MLLT3: variants seen among roughly 807,000 people sequenced by gnomAD.
MLLT3 encodes MLLT3 super elongation complex subunit.
Under a neutral mutation model 53.2 loss-of-function variants are expected in MLLT3, and 4 were observed. The ratio of observed to expected loss-of-function variants is 0.08; its 90% CI spans 0.04 to 0.17. The LOEUF (loss-of-function observed/expected upper bound fraction) is 0.17. MLLT3 is among the 10% of genes least tolerant of loss of function. The probability of loss-of-function intolerance (pLI) is 1.00; values close to 1 mark genes in which losing one functional copy is unlikely to be tolerated. For synonymous variants in MLLT3, 283 were observed against 230.6 expected (o/e 1.23, Z -2.06); for missense variants, 569 against 684.0 (o/e 0.83, Z 1.87).
intron 2 of MLLT3, among the ~76,000 whole-genome samples, chr9:20,577,639 C>G (rs1416915031): frequency 1.3e-5 from 2 of 152,188 alleles, no homozygotes; most frequent in Non-Finnish European, 1.5e-5. Context: ...AGCCCCATTA[C>G]TGCACAATAG....
At chr9:20,522,653 G>T (rs1818092817) in intron 2 of MLLT3, among the ~76,000 whole-genome samples, 1 of 147,576 alleles carries the variant, frequency 6.8e-6, no homozygotes, top group African/African-American at 2.5e-5. Context: ...GAGTAGAGAA[G>T]AAAATAAACA....
intron 2 of MLLT3, among the ~76,000 whole-genome samples, chr9:20,491,595 T>C (rs906784960): frequency 8.5e-5 from 13 of 152,096 alleles, no homozygotes; most frequent in Admixed American, 7.9e-4. Flanking sequence ...CTGCTAAAGA[T>C]AGTAAAAATT....
intron 2 of MLLT3, among the ~76,000 whole-genome samples, chr9:20,555,347 C>T (rs944084858): frequency 1.1e-4 from 16 of 152,044 alleles, no homozygotes; most frequent in African/African-American, 2.4e-4. Flanking sequence ...ATAGAGACAG[C>T]GTCTCACCAT....
chr9:20,369,212 G>A (rs543431038), intron 5 of MLLT3, among the ~76,000 whole-genome samples: 2 of 152,242 alleles, frequency 1.3e-5, no homozygotes, highest in African/African-American at 4.8e-5. Flanking sequence ...AGAATTAGCT[G>A]GGAGAAGCCT....
chr9:20,491,763 C>T (rs1203395774), intron 2 of MLLT3, among the ~76,000 whole-genome samples: 2 of 152,068 alleles, frequency 1.3e-5, no homozygotes, highest in African/African-American at 2.4e-5. Flanking sequence ...ACACCTGGAG[C>T]TTTATTCATC....
At chr9:20,409,314 A>G (rs1822664596) in intron 5 of MLLT3, among the ~76,000 whole-genome samples, 1 of 152,206 alleles carries the variant, frequency 6.6e-6, no homozygotes, top group African/African-American at 2.4e-5. Context: ...AAACTTCTTC[A>G]TATCAGAAGA....
At chr9:20,598,286 A>C (rs1820327579) in intron 2 of MLLT3, among the ~76,000 whole-genome samples, 1 of 152,222 alleles carries the variant, frequency 6.6e-6, no homozygotes, top group African/African-American at 2.4e-5. Flanking sequence ...TTACCACTTT[A>C]TGTTCCCAAA....
chr9:20,597,531 A>G (rs1587116247), intron 2 of MLLT3, among the ~76,000 whole-genome samples: 1 of 152,178 alleles, frequency 6.6e-6, no homozygotes, highest in African/African-American at 2.4e-5. Context: ...TCAGAAGACC[A>G]TCTACTTTTC....
At position 20,605,405 on chromosome 9, in the gene MLLT3, G is replaced by A. The variant is rs563795619; in HGVS notation, c.193+15249C>T. Among the ~76,000 whole-genome samples the A allele has an allele frequency of 3.4e-4, 51 of 152,028 alleles. 1 individual carries two copies. The highest frequency in any genetic ancestry group is 1.2e-3 in the African/African-American group (50 of 41,488). The stretch of plus-strand genomic sequence containing the variant: ...AAATATTTATTTATTTATAAATCAA[G>A]TGTCTGAAGAATGTGAATAACGGAA... On this transcript the variant is annotated intron_variant, in intron 2 of 10. Transcript: ENST00000380338.
At chr9:20,549,035 G>A (rs1374602428) in intron 2 of MLLT3, among the ~76,000 whole-genome samples, 1 of 151,964 alleles carries the variant, frequency 6.6e-6, no homozygotes, top group Non-Finnish European at 1.5e-5. Flanking sequence ...GGTGGGTCCC[G>A]AACTCCTGGG....
intron 4 of MLLT3, among the ~76,000 whole-genome samples, chr9:20,419,609 T>C (rs143842607): frequency 2.6e-5 from 4 of 151,372 alleles, no homozygotes; most frequent in Non-Finnish European, 4.4e-5. Flanking sequence ...TAAACTCACA[T>C]TGTGCTTCTC....
chr9:20,446,668 T>G (rs78047586), intron 4 of MLLT3, among the ~76,000 whole-genome samples: 1,674 of 152,226 alleles, frequency 0.011, 10 homozygotes, highest in South Asian at 0.025. Context: ...TGAGATTGAT[T>G]AGGATTTTAA....
intron 2 of MLLT3, among the ~76,000 whole-genome samples, chr9:20,565,036 T>C (rs1157667120): frequency 3.3e-5 from 5 of 152,134 alleles, no homozygotes; most frequent in Non-Finnish European, 1.5e-5. Flanking sequence ...CTTTCAAATA[T>C]GATATCACTA....
intron 10 of MLLT3, among the ~76,000 whole-genome samples, chr9:20,348,196 C>T (rs1430254617): frequency 6.6e-6 from 1 of 152,176 alleles, no homozygotes; most frequent in Admixed American, 6.5e-5. Context: ...ACAGATGCTG[C>T]AAACTAACTC....
intron 2 of MLLT3, among the ~76,000 whole-genome samples, chr9:20,533,499 G>C (rs1334588356): frequency 6.6e-6 from 1 of 152,102 alleles, no homozygotes; most frequent in East Asian, 1.9e-4. Context: ...ATAGTATGGA[G>C]GTTCCTCAAA....
At chr9:20,504,398 G>C (rs1825331341) in intron 2 of MLLT3, among the ~76,000 whole-genome samples, 1 of 151,496 alleles carries the variant, frequency 6.6e-6, no homozygotes, top group South Asian at 2.1e-4. Flanking sequence ...ATTAAAGGCT[G>C]AATACTATTC....
intron 2 of MLLT3, among the ~76,000 whole-genome samples, chr9:20,516,482 A>G (rs1159113338): frequency 6.6e-6 from 1 of 152,074 alleles, no homozygotes; most frequent in African/African-American, 2.4e-5. Context: ...GTTATTCCTC[A>G]TTTTCTATGT....
At chr9:20,498,047 C>G (rs1447720719) in intron 2 of MLLT3, among the ~76,000 whole-genome samples, 1 of 151,426 alleles carries the variant, frequency 6.6e-6, no homozygotes, top group Non-Finnish European at 1.5e-5. Flanking sequence ...CATGGTGAAA[C>G]TTTGTCTCTA....
intron 9 of MLLT3, among the ~76,000 whole-genome samples, 195 bp downstream of exon 9, chr9:20,354,613 C>T (rs930593369): frequency 6.6e-6 from 1 of 152,192 alleles, no homozygotes; most frequent in Admixed American, 6.5e-5. Context: ...TAAGGCCAAG[C>T]TTAATACTGA....
Sources: gnomAD v4.1 joint callset for allele counts (sites outside exome capture counted in the v4.1 genomes callset) on GRCh38, gnomAD v4.1.1 for gene constraint, MANE v1.5 for transcripts, NCBI Gene and HGNC (gene_info 2026-07-23, HGNC 2026-07-21) for gene names.